CABLES1: variants seen among roughly 807,000 people sequenced by gnomAD.
The protein encoded by CABLES1 is CDK5 and ABL1 enzyme substrate 1.
In CABLES1, 36 loss-of-function variants were observed where a neutral mutation model predicts 57.8. That is an observed-to-expected ratio of 0.62 (90% CI 0.48 to 0.82). The LOEUF (loss-of-function observed/expected upper bound fraction) is 0.82. Among genes scored for constraint, CABLES1 ranks in the 40% least tolerant of loss-of-function variants. The probability of loss-of-function intolerance (pLI) is 0.00; values close to 1 mark genes in which losing one functional copy is unlikely to be tolerated. For synonymous variants in CABLES1, 374 were observed against 363.0 expected, an observed-to-expected ratio of 1.03 and a Z score of -0.35; for missense variants, 767 against 836.6, an observed-to-expected ratio of 0.92 and a Z score of 1.03.
chr18:23,142,540 CA>C (rs1162120856), intron 1 of CABLES1, among the ~76,000 whole-genome samples: 2 of 152,196 alleles, frequency 1.3e-5, no homozygotes, highest in African/African-American at 4.8e-5. Context: ...ACAGAGTGAC[CA>C]GGGGGTGACT....
chr18:23,234,683 G>A lies in CABLES1; in HGVS notation c.1164G>A (p.Val388=), dbSNP rs2047590567. The change falls in exon 5 of 10, where the codon GTG becomes GTA. Residue 388 remains valine (V), a synonymous_variant. Coordinates refer to ENST00000256925, the MANE Select transcript of CABLES1 (RefSeq NM_001100619.3). ...AAGAGATCATTGGTCTGGAAGGTGT[G>A]GAGCTGGGTGCTGATGGGAAGGTAA... ...SLKEIIGLEG[V]ELGADGKTVS... The A allele has an allele frequency of 1.2e-6, 2 of 1,613,234 alleles. No homozygotes were observed. The highest frequency in any genetic ancestry group is 1.3e-5 in the African/African-American group (1 of 74,770).
At chr18:23,207,301 C>T (rs562140016) in intron 3 of CABLES1, among the ~76,000 whole-genome samples, 6 of 152,230 alleles carry the variant, frequency 3.9e-5, no homozygotes, top group African/African-American at 1.2e-4. Context: ...GGAGTGGAAA[C>T]GCTGGTGAGT....
At position 23,259,921 on chromosome 18, in the gene CABLES1, TGG is replaced by T. The variant is rs2048254519; in HGVS notation, c.*2557_*2558del. 1.3e-5 allele frequency: 2 copies of T among 152,256 alleles called. No individual in the cohort carries two copies. Among genetic ancestry groups the T allele is most frequent in the Admixed American group, 1.3e-4 (2 of 15,280 alleles). The allele number at this position is 152,256 out of a possible 1,614,324, so 9.4% of individuals were successfully genotyped here. A position where few individuals can be genotyped will look rare whatever the true frequency, so the allele number is the denominator to read the frequency against. On this transcript the variant is annotated 3_prime_UTR_variant, in exon 10 of 10. Coordinates refer to ENST00000256925, the MANE Select transcript of CABLES1 (RefSeq NM_001100619.3). ...AGTCCTCCCCACACTCAGAGATCTG[TGG>T]GGAAGCTCCGCCCAGCCACACTCCT...
At chr18:23,204,397 G>A (rs559766393) in intron 3 of CABLES1, 25 of 152,188 alleles carry the variant, frequency 1.6e-4, no homozygotes, top group African/African-American at 6.0e-4. Flanking sequence ...GCTTGTGTAC[G>A]GGTTTGCGAC....
rs533920085 is a variant in CABLES1, at chr18:23,240,179, G to A, written c.1446+2934G>A. 4.6e-5 allele frequency among the ~76,000 whole-genome samples: 7 copies of A among 152,154 alleles called. No homozygotes were observed. The South Asian group carries it at 1.5e-3, about 32-fold the overall frequency. The stretch of plus-strand genomic sequence containing the variant: ...GAAGGGTTGGACGTGGGCCCCAGGG[G>A]GTAGGCCTCAAGGAAGACTTCCCCG... On this transcript the variant is annotated intron_variant, in intron 7 of 9. Transcript: ENST00000256925.
At chr18:23,162,601 C>T (rs568280580) in intron 1 of CABLES1, among the ~76,000 whole-genome samples, 2 of 152,140 alleles carry the variant, frequency 1.3e-5, no homozygotes, top group South Asian at 4.2e-4. Context: ...GGGTTAAGTG[C>T]CGTGGAAGAA....
intron 9 of CABLES1, among the ~76,000 whole-genome samples, chr18:23,254,799 A>G (rs2048122667): frequency 6.6e-6 from 1 of 152,144 alleles, no homozygotes; most frequent in Non-Finnish European, 1.5e-5. Context: ...GACCTCATCT[A>G]GACCTAATCA....
chr18:23,188,886 T>C lies in CABLES1; in HGVS notation c.894T>C (p.Ile298=). Residue 298 remains isoleucine, a synonymous_variant, in exon 2 of 10, where the codon ATT becomes ATC. Transcript: ENST00000256925. ...QRSSLETLED[I]EENAPLRRCR... is the part of the protein sequence containing the mutation. ...CTTCCTTGGAGACCCTGGAAGATAT[T>C]GAGGAGAACGCCCCTCTCCGGAGGT... is the stretch of plus-strand genomic sequence containing the variant. 1 of 1,613,702 alleles carries C rather than the reference T, an allele frequency of 6.2e-7. No individual in the cohort carries two copies. Among genetic ancestry groups the C allele is most frequent in the Non-Finnish European group, 8.5e-7 (1 of 1,179,628 alleles).
chr18:23,230,758 A>G (rs992904261), intron 4 of CABLES1, among the ~76,000 whole-genome samples: 1 of 152,130 alleles, frequency 6.6e-6, no homozygotes, highest in Non-Finnish European at 1.5e-5. Context: ...TTCACTGGGC[A>G]TTCCTCCCTC....
chr18:23,200,322 T>C (rs941961075), intron 3 of CABLES1, among the ~76,000 whole-genome samples: 15 of 151,478 alleles, frequency 9.9e-5, no homozygotes, highest in Admixed American at 4.6e-4. Context: ...TGCAGTGGTG[T>C]GATCTCGGCT....
At chr18:23,191,940 A>G (rs1373095992) in intron 2 of CABLES1, among the ~76,000 whole-genome samples, 1 of 104,856 alleles carries the variant, frequency 9.5e-6, no homozygotes, top group East Asian at 2.8e-4. Flanking sequence ...AAAAAAAAAA[A>G]AGGCAACACA....
chr18:23,243,464 T>G (rs1325547902), intron 7 of CABLES1, among the ~76,000 whole-genome samples: 3 of 145,664 alleles, frequency 2.1e-5, no homozygotes, highest in African/African-American at 5.0e-5. Context: ...GGTGTGGGTT[T>G]GGTGTTTTTT....
intron 1 of CABLES1, among the ~76,000 whole-genome samples, chr18:23,143,419 T>C (rs1238212248): frequency 6.6e-6 from 1 of 152,234 alleles, no homozygotes; most frequent in Non-Finnish European, 1.5e-5. Flanking sequence ...AGTTTAAAGC[T>C]CTGCTGGGTC....
At chr18:23,145,227 G>A (rs886735655) in intron 1 of CABLES1, among the ~76,000 whole-genome samples, 6 of 151,984 alleles carry the variant, frequency 3.9e-5, no homozygotes, top group Non-Finnish European at 7.4e-5. Flanking sequence ...ATGAGCCACC[G>A]TGCCTGGCCT....
At chr18:23,225,734 A>G (rs1016141473) in intron 4 of CABLES1, among the ~76,000 whole-genome samples, 3 of 152,214 alleles carry the variant, frequency 2.0e-5, no homozygotes, top group Admixed American at 6.5e-5. Flanking sequence ...TTTTATCCAC[A>G]TTAGTCACGG....
At position 23,202,023 on chromosome 18, in the gene CABLES1, C is replaced by A. The variant is rs201465351; in HGVS notation, c.1010+7483C>A. Among the ~76,000 whole-genome samples, 34 of 151,312 alleles carry A rather than the reference C, an allele frequency of 2.2e-4. 1 individual carries two copies. In the South Asian group the frequency reaches 4.2e-3, roughly 19 times the overall value. ...GTGTTTGAGGAACTTTAGGAAAGCC[C>A]GCATGGTGGAGGTGATTGAGAGGAA... On this transcript the variant is annotated intron_variant, in intron 3 of 9. Coordinates refer to ENST00000256925, the MANE Select transcript of CABLES1 (RefSeq NM_001100619.3).
At chr18:23,195,403 G>T (rs1371821926) in intron 3 of CABLES1, among the ~76,000 whole-genome samples, 1 of 152,100 alleles carries the variant, frequency 6.6e-6, no homozygotes, top group Non-Finnish European at 1.5e-5. Flanking sequence ...GACCATATGG[G>T]CCCCACTAAT....
chr18:23,144,291 GGAACACAA>G (rs1292259517), intron 1 of CABLES1, among the ~76,000 whole-genome samples: 2 of 152,184 alleles, frequency 1.3e-5, no homozygotes, highest in Non-Finnish European at 2.9e-5. Context: ...TCCTCCATAG[GGAACACAA>G]ATGAAACTCC....
chr18:23,184,711 A>G (rs763998012), intron 1 of CABLES1, among the ~76,000 whole-genome samples: 11 of 152,178 alleles, frequency 7.2e-5, no homozygotes, highest in Non-Finnish European at 1.3e-4. Context: ...TCAGAAAAAA[A>G]TAAATAAATA....
Sources: gnomAD v4.1 joint callset for allele counts (sites outside exome capture counted in the v4.1 genomes callset) on GRCh38, gnomAD v4.1.1 for gene constraint, MANE v1.5 for transcripts, NCBI Gene and HGNC (gene_info 2026-07-23, HGNC 2026-07-21) for gene names.